Variants in B3GLCT observed in about 807,000 individuals in gnomAD.
B3GLCT encodes beta-1,3-glucosyltransferase.
Under a neutral mutation model 63.4 loss-of-function variants are expected in B3GLCT, and 65 were observed. The observed-to-expected ratio is 1.03, with a 90% CI of 0.84 to 1.26. The LOEUF is 1.26. Ranked by LOEUF, B3GLCT falls within the 50% of genes most tolerant of loss-of-function variation. The pLI is 0.00. For missense variants in B3GLCT, 577 were observed against 604.8 expected (o/e 0.95, Z 0.48); for synonymous variants, 233 against 219.2 (o/e 1.06, Z -0.55).
rs181143191 is a variant in B3GLCT, at chr13:31,275,798, C to T, written c.781-904C>T. Among the ~76,000 whole-genome samples the T allele has an allele frequency of 8.8e-3, 1,344 of 152,148 alleles. 15 individuals are homozygous for T. The highest frequency in any genetic ancestry group is 0.031 in the African/African-American group (1,270 of 41,502). ...ATAAATACATAGACACACACACACA[C>T]GCACACACACACACCCCAAAACACA... On this transcript the variant is annotated intron_variant, in intron 9 of 14. Coordinates refer to ENST00000343307, the MANE Select transcript of B3GLCT (RefSeq NM_194318.4).
At chr13:31,287,929 G>C (rs571524947) in intron 12 of B3GLCT, among the ~76,000 whole-genome samples, 1 of 152,190 alleles carries the variant, frequency 6.6e-6, no homozygotes, top group South Asian at 2.1e-4. Flanking sequence ...CGAAGACATT[G>C]CAATAATAAC....
At chr13:31,280,249 C>T (rs1326410279) in intron 10 of B3GLCT, among the ~76,000 whole-genome samples, 2 of 152,092 alleles carry the variant, frequency 1.3e-5, no homozygotes, top group Non-Finnish European at 2.9e-5. Context: ...TCAGAGATTG[C>T]AGTAAAGACA....
chr13:31,208,270 C>T (rs936711467), intron 1 of B3GLCT, among the ~76,000 whole-genome samples: 2 of 152,166 alleles, frequency 1.3e-5, no homozygotes, highest in Admixed American at 1.3e-4. Flanking sequence ...TCTCCTGCTT[C>T]TCCTCCCCAT....
chr13:31,222,690 G>C (rs530078643), intron 2 of B3GLCT, among the ~76,000 whole-genome samples: 6 of 152,312 alleles, frequency 3.9e-5, no homozygotes, highest in Admixed American at 3.9e-4. Context: ...AAGAGCTTCA[G>C]CTCAATCAAT....
chr13:31,246,951 C>CTTTTTTTTTTTTTTTTCTTTTTTTTTT, intron 4 of B3GLCT, 72 bp from the exon 5 acceptor site: 1 of 778,768 alleles, frequency 1.3e-6, no homozygotes, highest in Non-Finnish European at 2.0e-6. Flanking sequence ...CTTTTCTTTT[C>CTTTTTTTTTTTTTTTTCTTTTTTTTTT]TTTTTTTTTT....
At chr13:31,222,350 A>G (rs1869857377) in intron 2 of B3GLCT, among the ~76,000 whole-genome samples, 1 of 152,030 alleles carries the variant, frequency 6.6e-6, no homozygotes, top group Non-Finnish European at 1.5e-5. Flanking sequence ...TGCTGGGGTT[A>G]CAGGTATGAG....
At chr13:31,200,724 T>G (rs1296573043) in intron 1 of B3GLCT, among the ~76,000 whole-genome samples, 1 of 151,978 alleles carries the variant, frequency 6.6e-6, no homozygotes, top group Non-Finnish European at 1.5e-5. Flanking sequence ...CCGCAGGGCC[T>G]TCGGGACGTG....
rs1356979754 is a variant in B3GLCT at position 31,200,020 on chromosome 13, A to AGCTCCGCTCCCCGCGCGTCTCC, written c.-64_-43dup. The AGCTCCGCTCCCCGCGCGTCTCC allele has an allele frequency of 2.1e-3, 2,237 of 1,053,760 alleles. 2 individuals are homozygous for AGCTCCGCTCCCCGCGCGTCTCC. The highest frequency in any genetic ancestry group is 5.1e-3 in the Middle Eastern group (14 of 2,744). 65.3% of individuals were successfully genotyped at this position (1,053,760 alleles called of 1,614,324 possible). On this transcript the variant is annotated 5_prime_UTR_variant, in exon 1 of 15. Coordinates refer to ENST00000343307, the MANE Select transcript of B3GLCT (RefSeq NM_194318.4). ...GGCAGGGCGGCGGCGGCAGCGGCGC[A>AGCTCCGCTCCCCGCGCGTCTCC]GCTCCGCTCCCCGCGCGTCTCCCTT...
chr13:31,283,121 G>A (rs908343031), intron 10 of B3GLCT: 4 of 152,204 alleles, frequency 2.6e-5, no homozygotes, highest in Non-Finnish European at 2.9e-5. Context: ...GAGCGAAAAA[G>A]GACTGAAAGC....
chr13:31,330,600 C>T lies in B3GLCT; in HGVS notation c.*932C>T, dbSNP rs1211127520. 6.6e-6 allele frequency: 1 copy of T among 150,726 alleles called. No homozygotes were observed. Among genetic ancestry groups the T allele is most frequent in the Non-Finnish European group, 1.5e-5 (1 of 67,786 alleles). The allele number at this position is 150,726 out of a possible 1,614,324, so 9.3% of individuals were successfully genotyped here. The stretch of plus-strand genomic sequence containing the variant: ...CTCTCCTGACTCAGGAGAGAAACCC[C>T]TTGTGGAAGGACAGCATGGTGATCA... On this transcript the variant is annotated 3_prime_UTR_variant, in exon 15 of 15. Coordinates refer to ENST00000343307, the MANE Select transcript of B3GLCT (RefSeq NM_194318.4).
chr13:31,322,563 T>G (rs995350799), intron 13 of B3GLCT, among the ~76,000 whole-genome samples: 1 of 152,200 alleles, frequency 6.6e-6, no homozygotes, highest in African/African-American at 2.4e-5. Flanking sequence ...AAAGAACTCA[T>G]CAGCATGCTA....
intron 12 of B3GLCT, among the ~76,000 whole-genome samples, chr13:31,316,044 A>G (rs1593317054): frequency 1.3e-5 from 2 of 152,174 alleles, no homozygotes; most frequent in East Asian, 3.9e-4. Flanking sequence ...ATGTACGGAA[A>G]TACCTGGATG....
At chr13:31,312,957 T>C (rs1005394421) in intron 12 of B3GLCT, 3 of 152,222 alleles carry the variant, frequency 2.0e-5, no homozygotes, top group Admixed American at 1.3e-4. Context: ...TCAAAGAACA[T>C]TTTCTAGTCA....
chr13:31,221,151 T>A (rs1485048751), intron 2 of B3GLCT, among the ~76,000 whole-genome samples: 1 of 152,220 alleles, frequency 6.6e-6, no homozygotes, highest in Non-Finnish European at 1.5e-5. Flanking sequence ...GAGCCTCTGT[T>A]ATCTCATTTG....
intron 6 of B3GLCT, among the ~76,000 whole-genome samples, chr13:31,256,414 A>G (rs907290647): frequency 6.6e-6 from 1 of 152,216 alleles, no homozygotes; most frequent in Non-Finnish European, 1.5e-5. Context: ...CAGCAATCCC[A>G]TTACTGGGTA....
In B3GLCT at chr13:31,295,654, T is replaced by C. The variant is rs146545197; in HGVS notation, c.1064+8835T>C. On this transcript the variant is annotated intron_variant, in intron 12 of 14. Transcript: ENST00000343307. Reference sequence around the variant, plus strand: ...CTACTCAAGCCTCAGTAATGGCAGATGCCCCTCCCCCCACCAAGCTCGAGC... The same window carrying C: ...CTACTCAAGCCTCAGTAATGGCAGACGCCCCTCCCCCCACCAAGCTCGAGC... 5.5e-3 allele frequency among the ~76,000 whole-genome samples: 836 copies of C among 152,268 alleles called. 12 individuals carry two copies. Among genetic ancestry groups the C allele is most frequent in the African/African-American group, 0.019 (803 of 41,540 alleles).
At chr13:31,243,596 A>G (rs1363037022) in intron 4 of B3GLCT, among the ~76,000 whole-genome samples, 2 of 152,212 alleles carry the variant, frequency 1.3e-5, no homozygotes, top group Non-Finnish European at 2.9e-5. Context: ...GAGAATACTC[A>G]GCTGTGATAT....
chr13:31,230,174 A>G (rs1444192910), intron 4 of B3GLCT, among the ~76,000 whole-genome samples: 3 of 152,228 alleles, frequency 2.0e-5, no homozygotes, highest in African/African-American at 7.2e-5. Context: ...GTACATTTTA[A>G]TAACATTTAA....
chr13:31,267,836 A>G (rs1271112803), intron 7 of B3GLCT, among the ~76,000 whole-genome samples: 1 of 151,836 alleles, frequency 6.6e-6, no homozygotes, highest in Admixed American at 6.6e-5. Flanking sequence ...TTTCTTTTAA[A>G]ATTTTTGTTT....
Sources: gnomAD v4.1 joint callset for allele counts (sites outside exome capture counted in the v4.1 genomes callset) on GRCh38, gnomAD v4.1.1 for gene constraint, MANE v1.5 for transcripts, NCBI Gene and HGNC (gene_info 2026-07-23, HGNC 2026-07-21) for gene names.